RGL1: variants seen among roughly 807,000 people sequenced by gnomAD.
RGL1 encodes the protein ral guanine nucleotide dissociation stimulator like 1.
A neutral mutation model predicts 95.2 loss-of-function variants in RGL1; 24 were observed. The ratio of observed to expected loss-of-function variants is 0.25; its 90% CI spans 0.18 to 0.35. The LOEUF is 0.35. Ranked by LOEUF, RGL1 falls within the 10% of genes least tolerant of loss-of-function variation. The pLI, the probability that RGL1 is intolerant of heterozygous loss-of-function variation, is 1.00. For missense variants in RGL1, 715 were observed against 936.3 expected, an observed-to-expected ratio of 0.76 and a Z score of 3.08; for synonymous variants, 329 against 344.9, an observed-to-expected ratio of 0.95 and a Z score of 0.51.
intron 1 of RGL1, among the ~76,000 whole-genome samples, chr1:183,709,142 G>A (rs1655106646): frequency 6.6e-6 from 1 of 152,114 alleles, no homozygotes; most frequent in South Asian, 2.1e-4. Flanking sequence ...AGCCTTCAGG[G>A]GGTACGTGTC....
intron 2 of RGL1, among the ~76,000 whole-genome samples, chr1:183,825,526 C>T (rs987394689): frequency 6.6e-6 from 1 of 152,168 alleles, no homozygotes; most frequent in African/African-American, 2.4e-5. Context: ...AAGTAACATC[C>T]TGTCACTTTT....
chr1:183,923,998 CTGTT>C (rs1340083233), intron 17 of RGL1, among the ~76,000 whole-genome samples: 9 of 152,132 alleles, frequency 5.9e-5, no homozygotes, highest in Non-Finnish European at 8.8e-5. Flanking sequence ...TTTTTTAATT[CTGTT>C]TGTTTTTTCA....
chr1:183,757,424 G>C (rs1321085638), intron 2 of RGL1, among the ~76,000 whole-genome samples: 1 of 152,146 alleles, frequency 6.6e-6, no homozygotes, highest in Non-Finnish European at 1.5e-5. Context: ...GCTGAATTGT[G>C]GTTTGATGAC....
intron 2 of RGL1, among the ~76,000 whole-genome samples, chr1:183,792,972 A>C (rs1332207265): frequency 4.6e-5 from 7 of 152,176 alleles, no homozygotes; most frequent in African/African-American, 1.7e-4. Flanking sequence ...TGTAACAACA[A>C]AAGAGCCAGA....
At chr1:183,881,007 T>C (rs1438477104) in intron 5 of RGL1, among the ~76,000 whole-genome samples, 1 of 152,180 alleles carries the variant, frequency 6.6e-6, no homozygotes, top group Non-Finnish European at 1.5e-5. Context: ...GAAGGGTATT[T>C]TCAAGACTAC....
At chr1:183,784,365 G>A (rs1660047654) in intron 2 of RGL1, among the ~76,000 whole-genome samples, 1 of 152,208 alleles carries the variant, frequency 6.6e-6, no homozygotes, top group Non-Finnish European at 1.5e-5. Context: ...AAGTCTGTCA[G>A]CAGTTAGCAG....
intron 2 of RGL1, among the ~76,000 whole-genome samples, chr1:183,813,318 G>A (rs1661853610): frequency 6.6e-6 from 1 of 152,200 alleles, no homozygotes; most frequent in African/African-American, 2.4e-5. Flanking sequence ...CTTCAAGTCA[G>A]CCTTCCTCCA....
chr1:183,850,403 C>G (rs1664763207), intron 3 of RGL1, among the ~76,000 whole-genome samples: 1 of 152,012 alleles, frequency 6.6e-6, no homozygotes, highest in Non-Finnish European at 1.5e-5. Context: ...TTAAGAAATA[C>G]CTTTAATAAT....
At chr1:183,920,896 G>A (rs764145970) in intron 16 of RGL1, among the ~76,000 whole-genome samples, 14 of 152,120 alleles carry the variant, frequency 9.2e-5, no homozygotes, top group Non-Finnish European at 1.9e-4. Context: ...TCAGAGTGAG[G>A]CATCTTGGCA....
At chr1:183,793,318 A>G (rs1344059801) in intron 2 of RGL1, among the ~76,000 whole-genome samples, 2 of 152,122 alleles carry the variant, frequency 1.3e-5, no homozygotes, top group Admixed American at 6.5e-5. Context: ...CATAATTCCT[A>G]AGACTATAAA....
chr1:183,652,353 G>A (rs1650822775), intron 1 of RGL1, among the ~76,000 whole-genome samples: 1 of 152,178 alleles, frequency 6.6e-6, no homozygotes, highest in Non-Finnish European at 1.5e-5. Flanking sequence ...ACACATAGTG[G>A]AGGGAGCTCT....
intron 1 of RGL1, among the ~76,000 whole-genome samples, chr1:183,676,334 GTT>G (rs1216027655): frequency 2.6e-5 from 4 of 151,928 alleles, no homozygotes; most frequent in Admixed American, 6.6e-5. Context: ...GGTCAAAAGA[GTT>G]TGAAAGCTGC....
chr1:183,901,442 G>A (rs956712907), intron 11 of RGL1, among the ~76,000 whole-genome samples: 2 of 152,160 alleles, frequency 1.3e-5, no homozygotes, highest in Non-Finnish European at 2.9e-5. Flanking sequence ...AGCCGAGATC[G>A]TGTCATTGCA....
At chr1:183,643,261 T>TA (rs75530835) in intron 1 of RGL1, among the ~76,000 whole-genome samples, 2,087 of 127,854 alleles carry the variant, frequency 0.016, 22 homozygotes, top group African/African-American at 0.042. Context: ...AGGTCCTGTT[T>TA]TTTTATTTAT....
intron 2 of RGL1, among the ~76,000 whole-genome samples, chr1:183,743,172 C>T (rs1657417185): frequency 6.6e-6 from 1 of 152,046 alleles, no homozygotes; most frequent in Non-Finnish European, 1.5e-5. Flanking sequence ...AACACCACAC[C>T]TGGATAATTT....
At chr1:183,734,915 G>C (rs1167296985) in intron 1 of RGL1, among the ~76,000 whole-genome samples, 2 of 152,120 alleles carry the variant, frequency 1.3e-5, no homozygotes, top group Non-Finnish European at 2.9e-5. Flanking sequence ...GTGACCAGAC[G>C]GCTGCACTGA....
chr1:183,741,698 C>T (rs1657316369), intron 1 of RGL1, among the ~76,000 whole-genome samples: 1 of 152,188 alleles, frequency 6.6e-6, no homozygotes, highest in Non-Finnish European at 1.5e-5. Context: ...TACACAAGTG[C>T]ATAATAGATG....
intron 3 of RGL1, among the ~76,000 whole-genome samples, chr1:183,853,059 A>T (rs1664924535): frequency 6.6e-6 from 1 of 151,668 alleles, no homozygotes; most frequent in African/African-American, 2.4e-5. Context: ...GAATGAGCTG[A>T]GTGCAGTGGC....
intron 3 of RGL1, among the ~76,000 whole-genome samples, chr1:183,860,830 A>G (rs191090333): frequency 2.2e-4 from 33 of 152,322 alleles, no homozygotes; most frequent in African/African-American, 7.9e-4. Context: ...TGTATCCTCA[A>G]TGTCTAGAAT....
Sources: gnomAD v4.1 joint callset for allele counts (sites outside exome capture counted in the v4.1 genomes callset) on GRCh38, gnomAD v4.1.1 for gene constraint, MANE v1.5 for transcripts, NCBI Gene and HGNC (gene_info 2026-07-23, HGNC 2026-07-21) for gene names.